The following LCORL variants were observed in gnomAD, a reference collection of about 807,000 sequenced individuals.
LCORL encodes ligand-dependent nuclear receptor corepressor-like protein.
LCORL carries 41 observed loss-of-function variants against 141.8 expected under a neutral mutation model. The ratio of observed to expected loss-of-function variants is 0.29; its 90% CI spans 0.23 to 0.38. The LOEUF is 0.38. Ranked by LOEUF, LCORL falls within the 10% of genes least tolerant of loss-of-function variation. LCORL has a pLI of 1.00. For synonymous variants in LCORL, 618 were observed against 694.1 expected (o/e 0.89, Z 1.72); for missense variants, 1,759 against 2,035.0 (o/e 0.86, Z 2.61).
exon 7 of LCORL, chr4:17,874,699 AAGC>A: frequency 8.1e-7 from 1 of 1,233,902 alleles, no homozygotes; most frequent in Non-Finnish European, 1.0e-6. Flanking sequence ...GAATCATTTG[AAGC>A]AGAAGTAGCC....
chr4:17,894,220 GTAA>G (rs1476844647), intron 5 of LCORL, among the ~76,000 whole-genome samples: 1 of 152,182 alleles, frequency 6.6e-6, no homozygotes, highest in Non-Finnish European at 1.5e-5. Context: ...TACACCCATT[GTAA>G]TGTTGAAAAA....
intron 7 of LCORL, among the ~76,000 whole-genome samples, chr4:17,862,283 T>C (rs1725102223): frequency 6.6e-6 from 1 of 152,176 alleles, no homozygotes; most frequent in South Asian, 2.1e-4. Flanking sequence ...ATCTCACATA[T>C]TGGCAGACAA....
intron 1 of LCORL, among the ~76,000 whole-genome samples, chr4:18,019,702 C>T (rs1371062392): frequency 6.6e-6 from 1 of 151,860 alleles, no homozygotes; most frequent in South Asian, 2.1e-4. Flanking sequence ...AAAAACCAAC[C>T]AAAATATTCC....
chr4:17,845,660 G>T, exon 8 of LCORL: 1 of 1,196,502 alleles, frequency 8.4e-7, no homozygotes, highest in Non-Finnish European at 1.2e-6. Flanking sequence ...ATTGATAAAT[G>T]CTTATTGTTC....
chr4:18,016,602 T>C (rs116795562), intron 1 of LCORL, among the ~76,000 whole-genome samples: 4 of 152,232 alleles, frequency 2.6e-5, no homozygotes, highest in Non-Finnish European at 4.4e-5. Context: ...GGATGTGCTA[T>C]CAATGTAAAA....
intron 1 of LCORL, among the ~76,000 whole-genome samples, chr4:17,978,841 T>C (rs1717463642): frequency 6.6e-6 from 1 of 152,218 alleles, no homozygotes; most frequent in Non-Finnish European, 1.5e-5. Flanking sequence ...CTCTCCGTTC[T>C]GGTACAATGC....
exon 7 of LCORL, chr4:17,876,613 T>C (rs1485085058): frequency 8.1e-7 from 1 of 1,230,606 alleles, no homozygotes; most frequent in African/African-American, 1.6e-5. Context: ...GGGGATTTTT[T>C]AAAAACATAA....
chr4:18,014,805 GCC>G (rs1471133134), intron 1 of LCORL, among the ~76,000 whole-genome samples: 1 of 152,090 alleles, frequency 6.6e-6, no homozygotes, highest in Non-Finnish European at 1.5e-5. Flanking sequence ...GCTGGTCTGG[GCC>G]CCCCATTCAC....
chr4:18,014,287 A>C (rs779316781), intron 1 of LCORL, among the ~76,000 whole-genome samples: 43 of 152,316 alleles, frequency 2.8e-4, no homozygotes, highest in African/African-American at 9.6e-4. Context: ...CTAGATAAAC[A>C]TGGCTGGCAG....
intron 4 of LCORL, among the ~76,000 whole-genome samples, chr4:17,916,530 C>G (rs542380721): frequency 6.6e-6 from 1 of 152,038 alleles, no homozygotes; most frequent in South Asian, 2.1e-4. Context: ...GCTTTGCTTT[C>G]TGCCATGATT....
chr4:17,873,174 G>C (rs1726559726), intron 7 of LCORL, among the ~76,000 whole-genome samples: 1 of 151,854 alleles, frequency 6.6e-6, no homozygotes, highest in Non-Finnish European at 1.5e-5. Context: ...ATTTTTATTT[G>C]TGTGAAATCC....
intron 5 of LCORL, among the ~76,000 whole-genome samples, chr4:17,890,674 T>C (rs985339914): frequency 1.3e-5 from 2 of 152,092 alleles, no homozygotes; most frequent in African/African-American, 4.8e-5. Context: ...TTGTAAAATG[T>C]ACAGAATTAA....
chr4:17,852,037 T>C (rs1280717273), intron 7 of LCORL, among the ~76,000 whole-genome samples: 1 of 152,154 alleles, frequency 6.6e-6, no homozygotes, highest in Non-Finnish European at 1.5e-5. Context: ...TGATTTGTGA[T>C]CCCACTCTCC....
exon 7 of LCORL, chr4:17,875,961 T>C: frequency 1.6e-6 from 2 of 1,231,232 alleles, no homozygotes; most frequent in African/African-American, 3.1e-5. Context: ...ATTTGAGATA[T>C]CCTCATTTGT....
At chr4:17,883,475 T>C in intron 6 of LCORL, 1 of 1,221,890 alleles carries the variant, frequency 8.2e-7, no homozygotes, top group Non-Finnish European at 1.0e-6. Flanking sequence ...AAGGATTAAA[T>C]ACAAACTATC....
intron 5 of LCORL, among the ~76,000 whole-genome samples, chr4:17,892,193 T>C (rs987400379): frequency 6.7e-6 from 1 of 149,992 alleles, no homozygotes; most frequent in African/African-American, 2.5e-5. Context: ...GCAAGTCAAA[T>C]AGTATTTTTT....
intron 4 of LCORL, among the ~76,000 whole-genome samples, chr4:17,936,036 A>ACCTATACCT (rs1345626169): frequency 6.6e-6 from 1 of 152,168 alleles, no homozygotes; most frequent in Non-Finnish European, 1.5e-5. Flanking sequence ...TAAACTATTC[A>ACCTATACCT]CCTATACCTT....
At chr4:17,881,308 T>C (rs1355749367) in intron 6 of LCORL, 7 of 980,452 alleles carry the variant, frequency 7.1e-6, no homozygotes, top group South Asian at 4.7e-5. Flanking sequence ...ATTCATAAAG[T>C]ACTTTGAAAG....
chr4:17,849,701 C>T (rs1723392575), intron 7 of LCORL, among the ~76,000 whole-genome samples: 2 of 152,182 alleles, frequency 1.3e-5, no homozygotes. Context: ...AATGGCCATA[C>T]TGCCCAAGGT....
Sources: allele counts gnomAD v4.1 joint callset (sites outside exome capture counted in the v4.1 genomes callset), GRCh38; gene constraint gnomAD v4.1.1; transcripts MANE v1.5; gene names NCBI Gene and HGNC (gene_info 2026-07-23, HGNC 2026-07-21).